Variants in TBRG4 observed in about 807,000 individuals in gnomAD.
TBRG4 encodes the protein FAST kinase domain-containing protein 4.
TBRG4 carries 43 observed loss-of-function variants against 65.6 expected under a neutral mutation model. The observed-to-expected ratio is 0.66, with a 90% CI of 0.51 to 0.85. The LOEUF is 0.85. Ranked by LOEUF, TBRG4 falls within the 40% of genes least tolerant of loss-of-function variation. TBRG4 has a pLI of 0.00. For missense variants in TBRG4, 709 were observed against 787.9 expected (o/e 0.90, Z 1.20); for synonymous variants, 366 against 341.4 (o/e 1.07, Z -0.79).
chr7:45,100,507 C>T (rs1784733262), intron 10 of TBRG4, 81 bp from the exon 11 acceptor site: 1 of 1,105,552 alleles, frequency 9.0e-7, no homozygotes, highest in South Asian at 1.3e-5. Flanking sequence ...GCCTGCTGTC[C>T]TCACATTGAC....
intron 10 of TBRG4, among the ~76,000 whole-genome samples, chr7:45,100,763 T>C (rs1784740154): frequency 6.6e-6 from 1 of 152,240 alleles, no homozygotes; most frequent in Non-Finnish European, 1.5e-5. Flanking sequence ...AAGCCACATG[T>C]TCATTCACTG....
intron 1 of TBRG4, 151 bp downstream of exon 1, chr7:45,111,492 G>T (rs979096870): frequency 2.1e-6 from 2 of 962,570 alleles, no homozygotes; most frequent in Non-Finnish European, 2.8e-6. Context: ...AAGCCAGCAC[G>T]GAACGAGCAG....
chr7:45,111,324 T>C (rs913536616), intron 1 of TBRG4: 9 of 166,390 alleles, frequency 5.4e-5, no homozygotes, highest in Non-Finnish European at 2.7e-5. Flanking sequence ...GACTTGAGTT[T>C]AGGCAAACAG....
rs1313692161 is a variant in TBRG4 at position 45,104,238 on chromosome 7, T to C, written c.926A>G (p.Gln309Arg). The change falls in exon 5 of 11, where the codon CAG becomes CGG. Residue 309 changes from glutamine (Q) to arginine (R), a missense_variant. Transcript: ENST00000258770. ...AYAYGKLSFHQTQVSQRLATD... is the reference protein window; with the variant it reads ...AYAYGKLSFHRTQVSQRLATD... Reference sequence around the variant, plus strand: ...GGCCAGGCGCTGGGACACCTGGGTCTGGTGAAAGCTGAGTTTGCCTTCAGG... The same window carrying C: ...GGCCAGGCGCTGGGACACCTGGGTCCGGTGAAAGCTGAGTTTGCCTTCAGG... 6.2e-7 allele frequency: 1 copy of C among 1,614,036 alleles called. No individual in the cohort carries two copies. Among genetic ancestry groups the C allele is most frequent in the Admixed American group, 1.7e-5 (1 of 60,030 alleles).
At position 45,109,248 on chromosome 7, in the gene TBRG4, G is replaced by T. The variant is rs753880413; in HGVS notation, c.-11C>A. On this transcript the variant is annotated 5_prime_UTR_variant, in exon 2 of 11. Transcript: ENST00000258770. ...CAGGTGAGCTGCCATGATGTCCTGG[G>T]TGGCAGAGAGACAAGACTCCTAGCA... 1 of 1,562,998 alleles carries T rather than the reference G, an allele frequency of 6.4e-7. No individual in the cohort carries two copies. Among genetic ancestry groups the T allele is most frequent in the East Asian group, 2.2e-5 (1 of 44,504 alleles).
intron 2 of TBRG4, among the ~76,000 whole-genome samples, chr7:45,108,012 T>G (rs543516694): frequency 1.3e-5 from 2 of 152,362 alleles, no homozygotes; most frequent in South Asian, 4.1e-4. Flanking sequence ...TGGTATTTTT[T>G]ATACTACTCT....
intron 3 of TBRG4, 110 bp downstream of exon 3, chr7:45,105,331 T>C: frequency 8.1e-7 from 1 of 1,233,346 alleles, no homozygotes. Context: ...CTCCCAGGGC[T>C]CTGATCCCAG....
chr7:45,110,039 A>T (rs1450994111), intron 1 of TBRG4, among the ~76,000 whole-genome samples: 9 of 152,142 alleles, frequency 5.9e-5, no homozygotes, highest in African/African-American at 2.2e-4. Flanking sequence ...CTGTAGACAT[A>T]GGTGTGAGCC....
At chr7:45,102,517 G>C (rs764594847) in intron 6 of TBRG4, 26 bp from the exon 7 acceptor site, 2 of 1,601,250 alleles carry the variant, frequency 1.2e-6, no homozygotes, top group East Asian at 2.2e-5. Context: ...GTGTGGTGGA[G>C]AAAGCAGGCT....
chr7:45,104,813 G>T, intron 3 of TBRG4, 104 bp from the exon 4 acceptor site: 1 of 1,515,056 alleles, frequency 6.6e-7, no homozygotes, highest in Non-Finnish European at 9.0e-7. Flanking sequence ...CCCTGTGACA[G>T]CCCCTGTCAG....
intron 1 of TBRG4, 85 bp from the exon 2 acceptor site, chr7:45,109,372 TC>T: frequency 8.9e-7 from 1 of 1,120,744 alleles, no homozygotes; most frequent in South Asian, 1.9e-5. Context: ...TCAAAGCCAC[TC>T]TATCTGTAAA....
Position 45,109,172 on chromosome 7 carries a change from G to A in TBRG4, c.66C>T (p.Ala22=). 6.2e-7 allele frequency: 1 copy of A among 1,613,936 alleles called. No homozygotes were observed. Among genetic ancestry groups the A allele is most frequent in the Non-Finnish European group, 8.5e-7 (1 of 1,179,886 alleles). Residue 22 remains alanine, a synonymous_variant, in exon 2 of 11, where the codon GCC becomes GCT. Coordinates refer to ENST00000258770, the MANE Select transcript of TBRG4 (RefSeq NM_004749.4). Reference sequence around the variant, plus strand: ...GTCTCAGTCGGCCAACTGGAGCCATGGCAGGGGCCTGACGAGCAGCTTCTC... The same window carrying A: ...GTCTCAGTCGGCCAACTGGAGCCATAGCAGGGGCCTGACGAGCAGCTTCTC... ...LLREAARQAP[A]MAPVGRLRLA...
rs113472329 is a variant in TBRG4 at position 45,102,767 on chromosome 7, C to T, written c.1177-276G>A. 6.6e-4 allele frequency: 319 copies of T among 484,604 alleles called. 2 individuals carry two copies. Among genetic ancestry groups the T allele is most frequent in the African/African-American group, 5.3e-3 (270 of 51,272 alleles). The allele number at this position is 484,604 out of a possible 1,614,324, so 30.0% of individuals were successfully genotyped here. ...ATTTGATTAGGTTTACTACAACCAA[C>T]CTACTGGCAGGGAACAAGATCCCTT... On this transcript the variant is annotated intron_variant, in intron 6 of 10. Coordinates refer to ENST00000258770, the MANE Select transcript of TBRG4 (RefSeq NM_004749.4).
chr7:45,111,220 G>C (rs1460763764), intron 1 of TBRG4, among the ~76,000 whole-genome samples: 1 of 152,172 alleles, frequency 6.6e-6, no homozygotes, highest in Non-Finnish European at 1.5e-5. Flanking sequence ...AAAGTGCTGG[G>C]ATTACCGGAG....
chr7:45,103,258 C>G, intron 6 of TBRG4, 75 bp downstream of exon 6: 1 of 1,273,150 alleles, frequency 7.9e-7, no homozygotes, highest in Non-Finnish European at 1.1e-6. Context: ...CCGAGCTGAT[C>G]TTGGGAGGAC....
intron 10 of TBRG4, 119 bp downstream of exon 10, chr7:45,101,139 C>A: frequency 1.1e-6 from 1 of 947,092 alleles, no homozygotes; most frequent in Non-Finnish European, 1.6e-6. Flanking sequence ...CTGGGAGAGG[C>A]CCGGGGCCAC....
At chr7:45,105,016 A>C (rs746210068) in intron 3 of TBRG4, 9 of 727,538 alleles carry the variant, frequency 1.2e-5, no homozygotes, top group South Asian at 1.2e-4. Flanking sequence ...TATGACAGAA[A>C]CGGGCACTGA....
chr7:45,111,517 G>T, intron 1 of TBRG4, 126 bp downstream of exon 1: 1 of 1,129,594 alleles, frequency 8.9e-7, no homozygotes, highest in Non-Finnish European at 1.2e-6. Context: ...CCAGGCCCAC[G>T]GCATCCCACC....
At chr7:45,104,476 G>T in intron 4 of TBRG4, 62 bp downstream of exon 4, 1 of 1,611,330 alleles carries the variant, frequency 6.2e-7, no homozygotes, top group Non-Finnish European at 8.5e-7. Flanking sequence ...AATTTGACAC[G>T]GCTGCAGGCA....
Sources: allele counts gnomAD v4.1 joint callset (sites outside exome capture counted in the v4.1 genomes callset), GRCh38; gene constraint gnomAD v4.1.1; transcripts MANE v1.5; gene names NCBI Gene and HGNC (gene_info 2026-07-23, HGNC 2026-07-21).